DCTD: variants seen among roughly 807,000 people sequenced by gnomAD.
DCTD encodes deoxycytidylate deaminase.
Under a neutral mutation model 21.0 loss-of-function variants are expected in DCTD, and 23 were observed. That is an observed-to-expected ratio of 1.09 (90% CI 0.79 to 1.55). DCTD has a LOEUF of 1.55. Ranked by LOEUF, DCTD falls within the 40% of genes most tolerant of loss-of-function variation. The probability of loss-of-function intolerance (pLI) is 0.00; values close to 1 mark genes in which losing one functional copy is unlikely to be tolerated. For missense variants in DCTD, 224 were observed against 230.0 expected (o/e 0.97, Z 0.17); for synonymous variants, 71 against 81.1 (o/e 0.88, Z 0.67).
In DCTD at chr4:182,891,189, T is replaced by C; in HGVS notation, c.*210A>G. On this transcript the variant is annotated 3_prime_UTR_variant, in exon 6 of 6. Coordinates refer to ENST00000438320, the MANE Select transcript of DCTD (RefSeq NM_001921.3). ...TGCACCAGGCCACCACAGGCTCCCC[T>C]ATTTTAAACCCTAAAGCAATAGTTC... is the stretch of plus-strand genomic sequence containing the variant. 1 of 501,148 alleles carries C rather than the reference T, an allele frequency of 2.0e-6. No individual in the cohort carries two copies. Among genetic ancestry groups the C allele is most frequent in the Non-Finnish European group, 3.5e-6 (1 of 282,284 alleles). 31.0% of individuals were successfully genotyped at this position (501,148 alleles called of 1,614,324 possible).
Position 182,914,852 on chromosome 4 carries a change from G to A in DCTD, c.244+71C>T. 5.7e-6 allele frequency: 9 copies of A among 1,575,838 alleles called. No individual in the cohort carries two copies. In the Admixed American group the frequency reaches 1.4e-4, roughly 24 times the overall value. On this transcript the variant is annotated intron_variant, in intron 3 of 5. Transcript: ENST00000438320. ...TGACAAAAGGGAGATGATGCCTTCT[G>A]ACCAACTTTCTTAATTAGGCACTCA...
Position 182,917,327 on chromosome 4 carries a change from C to T in DCTD, c.-24G>A. 1.8e-6 allele frequency: 2 copies of T among 1,094,338 alleles called. No homozygotes were observed. Among genetic ancestry groups the T allele is most frequent in the Non-Finnish European group, 2.2e-6 (2 of 901,118 alleles). The allele number at this position is 1,094,338 out of a possible 1,614,324, so 67.8% of individuals were successfully genotyped here. On this transcript the variant is annotated 5_prime_UTR_variant, in exon 1 of 6. Coordinates refer to ENST00000438320, the MANE Select transcript of DCTD (RefSeq NM_001921.3). The surrounding 1 kb of genome is among the most constrained non-coding windows in gnomAD (Gnocchi z 4.9). ...CCCGCCCACCATCCGGTGCCGGCTCCGCGCGCAGGCCGGTGCTCGTCCCCG... is the reference window on the plus strand; with the variant it reads ...CCCGCCCACCATCCGGTGCCGGCTCTGCGCGCAGGCCGGTGCTCGTCCCCG...
intron 5 of DCTD, 104 bp from the exon 6 acceptor site, chr4:182,891,581 G>C: frequency 2.6e-6 from 2 of 763,632 alleles, no homozygotes; most frequent in South Asian, 3.1e-5. Flanking sequence ...ATATGTCCTG[G>C]GATTCACTTG....
In DCTD at chr4:182,915,519, T is replaced by C. The variant is rs1232492109; in HGVS notation, c.50A>G (p.Glu17Gly). ...TAAGAAGGCCACAGCCATAAAATACTCTGGCCATTCCAAATAGTCGTCCCG... is the reference window on the plus strand; with the variant it reads ...TAAGAAGGCCACAGCCATAAAATACCCTGGCCATTCCAAATAGTCGTCCCG... ...KKRDDYLEWP[E>G]YFMAVAFLSA... The change falls in exon 2 of 6, where the codon GAG becomes GGG. Residue 17 changes from glutamate (E) to glycine (G), a missense_variant. Coordinates refer to ENST00000438320, the MANE Select transcript of DCTD (RefSeq NM_001921.3). The C allele has an allele frequency of 1.9e-6, 3 of 1,613,916 alleles. No individual in the cohort carries two copies. Among genetic ancestry groups the C allele is most frequent in the African/African-American group, 2.7e-5 (2 of 74,928 alleles).
At chr4:182,892,213 G>A (rs1960207) in intron 5 of DCTD, among the ~76,000 whole-genome samples, 23,594 of 152,122 alleles carry the variant, frequency 0.16, 2,132 homozygotes, top group South Asian at 0.24. Context: ...GCTGCTGAAC[G>A]CCAATACCAT....
intron 1 of DCTD, chr4:182,916,334 TC>T: frequency 1.0e-6 from 1 of 969,382 alleles, no homozygotes; most frequent in Non-Finnish European, 1.2e-6. Context: ...ACGAAGGGGG[TC>T]CTAGGACTTC....
At position 182,893,073 on chromosome 4, in the gene DCTD, G is replaced by A; in HGVS notation, c.416C>T (p.Thr139Ile). The A allele has an allele frequency of 6.2e-7, 1 of 1,613,088 alleles. No homozygotes were observed. Among genetic ancestry groups the A allele is most frequent in the Non-Finnish European group, 8.5e-7 (1 of 1,179,456 alleles). Residue 139 changes from threonine to isoleucine, a missense_variant, in exon 5 of 6, where the codon ACT (threonine) becomes ATT (isoleucine). Thr to Ile is a moderately conservative substitution (Grantham distance 89). Coordinates refer to ENST00000438320, the MANE Select transcript of DCTD (RefSeq NM_001921.3). The part of the protein sequence containing the change: ...SDKYHDSDEA[T>I]AARLLFNMAG... ...CATATTAAACAGGAGCCTCGCAGCAGTTGCCTCGTCACTATCATGGTATTT... is the reference window on the plus strand; with the variant it reads ...CATATTAAACAGGAGCCTCGCAGCAATTGCCTCGTCACTATCATGGTATTT...
intron 3 of DCTD, among the ~76,000 whole-genome samples, chr4:182,898,963 G>A (rs1018586377): frequency 1.3e-5 from 2 of 152,166 alleles, no homozygotes; most frequent in East Asian, 3.8e-4. Flanking sequence ...AATGGATCCC[G>A]CATACAAGGT....
chr4:182,902,427 CA>C (rs1437715076), intron 3 of DCTD, among the ~76,000 whole-genome samples: 1 of 152,138 alleles, frequency 6.6e-6, no homozygotes, highest in Non-Finnish European at 1.5e-5. Context: ...AAGGGAGCAC[CA>C]TATAGAAATC....
chr4:182,916,943 T>C, intron 1 of DCTD: 1 of 998,406 alleles, frequency 1.0e-6, no homozygotes, highest in Non-Finnish European at 1.2e-6. Context: ...CCCACGCCGC[T>C]CGCAACCCCG....
At chr4:182,912,487 A>G (rs1185525603) in intron 3 of DCTD, among the ~76,000 whole-genome samples, 1 of 152,268 alleles carries the variant, frequency 6.6e-6, no homozygotes, top group Admixed American at 6.5e-5. Flanking sequence ...AAGAGCTTTG[A>G]AAACCTAGAG....
In DCTD at chr4:182,891,383, T is replaced by A. The variant is rs756661436; in HGVS notation, c.*16A>T. 1 of 1,564,252 alleles carries A rather than the reference T, an allele frequency of 6.4e-7. No homozygotes were observed. Among genetic ancestry groups the A allele is most frequent in the East Asian group, 2.2e-5 (1 of 44,612 alleles). The stretch of plus-strand genomic sequence containing the variant: ...GACGATAATCCCAATCTTCTGGAGA[T>A]TGAATGAGATGTAACTCACTGAAGC... On this transcript the variant is annotated 3_prime_UTR_variant, in exon 6 of 6. Coordinates refer to ENST00000438320, the MANE Select transcript of DCTD (RefSeq NM_001921.3).
Position 182,915,808 on chromosome 4 carries a change from C to A in DCTD, c.-7-233G>T, listed in dbSNP as rs1041267069. 10 of 1,083,680 alleles carry A rather than the reference C, an allele frequency of 9.2e-6. No homozygotes were observed. In the African/African-American group the frequency reaches 1.3e-4, roughly 14 times the overall value. The allele number at this position is 1,083,680 out of a possible 1,614,324, so 67.1% of individuals were successfully genotyped here. ...ATTTGAAACCTATAGCTTCACGTTC[C>A]CAAATATTTCATCTATTTACTGCTT... On this transcript the variant is annotated intron_variant, in intron 1 of 5. Transcript: ENST00000438320.
Position 182,915,072 on chromosome 4 carries a change from T to C in DCTD, c.109-14A>G, listed in dbSNP as rs760511312. 2 of 1,614,232 alleles carry C rather than the reference T, an allele frequency of 1.2e-6. No homozygotes were observed. Among genetic ancestry groups the C allele is most frequent in the Non-Finnish European group, 1.7e-6 (2 of 1,180,026 alleles). ...GCAGGCGCCGACCTAGAAGGAAACA[T>C]GCCCAAAGGCTTGGTGCCTGCAACT... is the stretch of plus-strand genomic sequence containing the variant. On this transcript the variant is annotated splice_polypyrimidine_tract_variant and intron_variant, in intron 2 of 5. Transcript: ENST00000438320.
chr4:182,901,643 A>G lies in DCTD; in HGVS notation c.245-7038T>C, dbSNP rs533201403. Among the ~76,000 whole-genome samples the G allele has an allele frequency of 2.0e-5, 3 of 152,300 alleles. No individual in the cohort carries two copies. In the South Asian group the frequency reaches 6.2e-4, roughly 32 times the overall value. The stretch of plus-strand genomic sequence containing the variant: ...AAGACAAGGGTCAGGACTCGAGCTA[A>G]GAAGCGTCTGCTCATGGCCTTCTGG... On this transcript the variant is annotated intron_variant, in intron 3 of 5. Transcript: ENST00000438320.
chr4:182,902,202 C>T lies in DCTD; in HGVS notation c.245-7597G>A, dbSNP rs971243335. 6.6e-5 allele frequency among the ~76,000 whole-genome samples: 10 copies of T among 152,278 alleles called. No individual in the cohort carries two copies. In the South Asian group the frequency reaches 1.0e-3, roughly 16 times the overall value. ...ACGGAATAGCCGCGACAGTTAAGCC[C>T]CCCACAACCCCCACCAAGTACACTC... On this transcript the variant is annotated intron_variant, in intron 3 of 5. Coordinates refer to ENST00000438320, the MANE Select transcript of DCTD (RefSeq NM_001921.3).
chr4:182,904,218 G>A (rs1421210839), intron 3 of DCTD, among the ~76,000 whole-genome samples: 1 of 152,128 alleles, frequency 6.6e-6, no homozygotes, highest in Non-Finnish European at 1.5e-5. Flanking sequence ...GGCCATTATT[G>A]GTAATAAAGC....
At position 182,915,458 on chromosome 4, in the gene DCTD, T is replaced by C. The variant is rs567549394; in HGVS notation, c.108+3A>G. The C allele has an allele frequency of 6.7e-5, 106 of 1,576,220 alleles. No individual in the cohort carries two copies. Among genetic ancestry groups the C allele is most frequent in the East Asian group, 6.3e-4 (28 of 44,728 alleles). On this transcript the variant is annotated splice_donor_region_variant and intron_variant, in intron 2 of 5. Coordinates refer to ENST00000438320, the MANE Select transcript of DCTD (RefSeq NM_001921.3). ...TAAGCATTCTCCCGTGAAATTCATTTACCTGGGAATTTGGATCTTTGCTTC... is the reference window on the plus strand; with the variant it reads ...TAAGCATTCTCCCGTGAAATTCATTCACCTGGGAATTTGGATCTTTGCTTC...
intron 1 of DCTD, chr4:182,916,764 A>T: frequency 8.9e-7 from 1 of 1,117,852 alleles, no homozygotes; most frequent in Non-Finnish European, 1.1e-6. Flanking sequence ...GGGCGAGGGA[A>T]GAGCAGGAGA....
Sources: gnomAD v4.1 joint callset for allele counts (sites outside exome capture counted in the v4.1 genomes callset) on GRCh38, gnomAD v4.1.1 for gene constraint, Gnocchi (gnomAD v3.1) non-coding constraint, MANE v1.5 for transcripts, NCBI Gene and HGNC (gene_info 2026-07-23, HGNC 2026-07-21) for gene names.